Variants in TRAP1 observed in about 807,000 individuals in gnomAD.
The protein encoded by TRAP1 is heat shock protein 75 kDa, mitochondrial.
A neutral mutation model predicts 89.1 loss-of-function variants in TRAP1; 102 were observed. That is an observed-to-expected ratio of 1.15 (90% CI 0.98 to 1.35). The LOEUF is 1.35. TRAP1 is among the 40% of genes most tolerant of loss of function. The pLI, the probability that TRAP1 is intolerant of heterozygous loss-of-function variation, is 0.00. For synonymous variants in TRAP1, 508 were observed against 388.0 expected, an observed-to-expected ratio of 1.31 and a Z score of -3.64; for missense variants, 1,256 against 945.3, an observed-to-expected ratio of 1.33 and a Z score of -4.31.
At chr16:3,673,998 A>AC (rs1567229964) in intron 9 of TRAP1, among the ~76,000 whole-genome samples, 1 of 152,158 alleles carries the variant, frequency 6.6e-6, no homozygotes, top group African/African-American at 2.4e-5. Flanking sequence ...CCCAGCCTGC[A>AC]CTGAGATGCC....
rs954780033 is a variant in TRAP1 at position 3,686,080 on chromosome 16, G to C, written c.387C>G (p.His129Gln). 1 of 1,614,140 alleles carries C rather than the reference G, an allele frequency of 6.2e-7. No individual in the cohort carries two copies. The highest frequency in any genetic ancestry group is 8.5e-7 in the Non-Finnish European group (1 of 1,180,010). Reference sequence around the variant, plus strand: ...GTGCTTGGCCGTCAGACACCAGTTTGTGACGCAGTTTTTCCAAGGCATCGC... The same window carrying C: ...GTGCTTGGCCGTCAGACACCAGTTTCTGACGCAGTTTTTCCAAGGCATCGC... Reference protein sequence around the residue: ...NASDALEKLRHKLVSDGQALP... With the variant: ...NASDALEKLRQKLVSDGQALP... The change falls in exon 4 of 18, where the codon CAC becomes CAG. Residue 129 changes from histidine (H) to glutamine (Q), a missense_variant. Physicochemically the swap from His to Gln is conservative, Grantham distance 24. Transcript: ENST00000246957.
At chr16:3,687,438 A>G (rs2051152533) in intron 3 of TRAP1, 1 of 151,988 alleles carries the variant, frequency 6.6e-6, no homozygotes, top group African/African-American at 2.4e-5. Flanking sequence ...ATACACTCCT[A>G]CTCCACAAAA....
intron 1 of TRAP1, among the ~76,000 whole-genome samples, chr16:3,703,741 C>A (rs950944046): frequency 2.0e-4 from 31 of 151,968 alleles, no homozygotes; most frequent in Non-Finnish European, 3.7e-4. Flanking sequence ...TTAGGCTGGG[C>A]GCGGTGGCTT....
At chr16:3,686,970 A>G (rs2051146780) in intron 3 of TRAP1, 1 of 152,222 alleles carries the variant, frequency 6.6e-6, no homozygotes. Flanking sequence ...TCTGTCTCAA[A>G]AAAACAAACA....
intron 1 of TRAP1, among the ~76,000 whole-genome samples, chr16:3,697,014 C>T (rs986285317): frequency 6.6e-6 from 1 of 152,154 alleles, no homozygotes; most frequent in African/African-American, 2.4e-5. Flanking sequence ...CCGTAAGACA[C>T]CACGCCCAGC....
chr16:3,663,203 A>G, intron 14 of TRAP1: 1 of 687,236 alleles, frequency 1.5e-6, no homozygotes, highest in Non-Finnish European at 2.4e-6. Flanking sequence ...AAGCTGGGCC[A>G]GCTCCAGAAG....
chr16:3,661,800 G>T (rs1369463944), intron 16 of TRAP1, 187 bp downstream of exon 16: 1 of 638,666 alleles, frequency 1.6e-6, no homozygotes, highest in Non-Finnish European at 2.3e-6. Flanking sequence ...ACCTGGGGAT[G>T]GTAAGGGGCT....
At chr16:3,684,289 T>C (rs765884026) in intron 4 of TRAP1, among the ~76,000 whole-genome samples, 27 of 152,192 alleles carry the variant, frequency 1.8e-4, no homozygotes, top group African/African-American at 4.3e-4. Flanking sequence ...ATTCTTACAA[T>C]GAAGTGTTAA....
intron 1 of TRAP1, among the ~76,000 whole-genome samples, chr16:3,707,113 G>A (rs935805404): frequency 3.3e-5 from 5 of 151,090 alleles, no homozygotes; most frequent in Non-Finnish European, 7.4e-5. Flanking sequence ...CTAACTCACT[G>A]TAGTTTTGCT....
intron 1 of TRAP1, among the ~76,000 whole-genome samples, chr16:3,696,326 C>A (rs1053584795): frequency 1.3e-5 from 2 of 152,162 alleles, no homozygotes; most frequent in Admixed American, 1.3e-4. Flanking sequence ...CACAGCCCAG[C>A]CAGAAGGGCT....
chr16:3,675,321 C>T lies in TRAP1; in HGVS notation c.888+3G>A. The T allele has an allele frequency of 6.2e-7, 1 of 1,613,944 alleles. No homozygotes were observed. Among genetic ancestry groups the T allele is most frequent in the East Asian group, 2.2e-5 (1 of 44,886 alleles). ...CCAGTCCCTAGAGGAACTCAGGGCT[C>T]ACCTGCAAGGTGTTCATCCGCCTTC... On this transcript the variant is annotated splice_donor_region_variant and intron_variant, in intron 8 of 17. Transcript: ENST00000246957.
At chr16:3,661,159 T>A (rs1020181908) in intron 16 of TRAP1, 1 of 151,980 alleles carries the variant, frequency 6.6e-6, no homozygotes, top group African/African-American at 2.4e-5. Flanking sequence ...GAATAATTCT[T>A]TAAAAATGGT....
intron 3 of TRAP1, 40 bp downstream of exon 3, chr16:3,689,015 A>C: frequency 6.4e-7 from 1 of 1,559,990 alleles, no homozygotes; most frequent in Admixed American, 1.9e-5. Flanking sequence ...TTGTGAAAAG[A>C]AACTTTGCTA....
At chr16:3,704,892 T>G (rs539431180) in intron 1 of TRAP1, among the ~76,000 whole-genome samples, 1 of 151,758 alleles carries the variant, frequency 6.6e-6, no homozygotes, top group South Asian at 2.1e-4. Context: ...TAAGTCAAAA[T>G]GAATTCCAGA....
At chr16:3,676,818 G>A (rs1156879051) in intron 6 of TRAP1, 1 of 152,478 alleles carries the variant, frequency 6.6e-6, no homozygotes, top group Admixed American at 6.5e-5. Flanking sequence ...CACTTTGGGA[G>A]GCCAAGACGG....
intron 11 of TRAP1, among the ~76,000 whole-genome samples, chr16:3,670,357 TG>T (rs1353711922): frequency 9.0e-6 from 1 of 110,652 alleles, no homozygotes; most frequent in Non-Finnish European, 1.7e-5. Context: ...CACTCCAGCC[TG>T]GGCGACAGAG....
chr16:3,686,389 CT>C (rs2051139121), intron 3 of TRAP1, among the ~76,000 whole-genome samples: 1 of 152,216 alleles, frequency 6.6e-6, no homozygotes, highest in African/African-American at 2.4e-5. Flanking sequence ...GCAATCACGG[CT>C]TATTGCAGCT....
At chr16:3,668,889 C>G (rs763729598) in intron 11 of TRAP1, among the ~76,000 whole-genome samples, 1 of 152,346 alleles carries the variant, frequency 6.6e-6, no homozygotes, top group African/African-American at 2.4e-5. Context: ...TCAGGAAACA[C>G]ATTCAGGATG....
chr16:3,668,213 C>T (rs1271017205), intron 11 of TRAP1, among the ~76,000 whole-genome samples: 1 of 151,916 alleles, frequency 6.6e-6, no homozygotes, highest in African/African-American at 2.4e-5. Context: ...TGAGCCATTG[C>T]GCCCAGCCTA....
Sources: allele counts gnomAD v4.1 joint callset (sites outside exome capture counted in the v4.1 genomes callset), GRCh38; gene constraint gnomAD v4.1.1; transcripts MANE v1.5; gene names NCBI Gene and HGNC (gene_info 2026-07-23, HGNC 2026-07-21).